The following PKP1 variants were observed in gnomAD, a reference collection of about 807,000 sequenced individuals.
The protein encoded by PKP1 is plakophilin 1, also known as plakophilin-1.
PKP1 carries 27 observed loss-of-function variants against 76.4 expected under a neutral mutation model. The observed-to-expected ratio is 0.35, with a 90% confidence interval of 0.26 to 0.49. The LOEUF (loss-of-function observed/expected upper bound fraction) is 0.49. Ranked by LOEUF, PKP1 falls within the 20% of genes least tolerant of loss-of-function variation. The pLI, the probability that PKP1 is intolerant of heterozygous loss-of-function variation, is 0.99. For missense variants in PKP1, 964 were observed against 955.2 expected, an observed-to-expected ratio of 1.01 and a Z score of -0.12; for synonymous variants, 404 against 384.2, an observed-to-expected ratio of 1.05 and a Z score of -0.60.
chr1:201,285,683 C>T (rs1655711558), intron 1 of PKP1, among the ~76,000 whole-genome samples: 1 of 152,248 alleles, frequency 6.6e-6, no homozygotes, highest in Admixed American at 6.5e-5. Flanking sequence ...GCTCACAACT[C>T]CAGAAAACTC....
intron 2 of PKP1, among the ~76,000 whole-genome samples, chr1:201,312,958 A>C (rs976197753): frequency 6.6e-6 from 1 of 152,218 alleles, no homozygotes; most frequent in African/African-American, 2.4e-5. Context: ...ATAGTCTTCT[A>C]AATTGATTTT....
intron 2 of PKP1, among the ~76,000 whole-genome samples, chr1:201,295,400 G>C (rs1162862083): frequency 6.6e-6 from 1 of 152,080 alleles, no homozygotes; most frequent in Non-Finnish European, 1.5e-5. Context: ...GACACTCTTA[G>C]TGCAAAATAA....
rs182463374 is a variant in PKP1 at position 201,297,958 on chromosome 1, A to C, written c.306+3913A>C. Among the ~76,000 whole-genome samples, 6 of 152,354 alleles carry C rather than the reference A, an allele frequency of 3.9e-5. No individual in the cohort carries two copies. In the East Asian group the frequency reaches 9.6e-4, roughly 24 times the overall value. On this transcript the variant is annotated intron_variant, in intron 2 of 13. Coordinates refer to ENST00000367324, the MANE Select transcript of PKP1 (RefSeq NM_001005337.3). ...TACAACAAAATACAATAATTGAGACATGTCTTAACTTAGAAATTATTTGCT... is the reference window on the plus strand; with the variant it reads ...TACAACAAAATACAATAATTGAGACCTGTCTTAACTTAGAAATTATTTGCT...
rs1656907078 is a variant in PKP1 at position 201,320,513 on chromosome 1, A to AG, written c.1347+135dup. The AG allele has an allele frequency of 4.2e-6, 3 of 713,760 alleles. No homozygotes were observed. The Admixed American group carries it at 6.0e-5, about 14-fold the overall frequency. 44.2% of individuals were successfully genotyped at this position (713,760 alleles called of 1,614,324 possible). A position where few individuals can be genotyped will look rare whatever the true frequency, so the allele number is the denominator to read the frequency against. On this transcript the variant is annotated intron_variant, in intron 7 of 13. Transcript: ENST00000367324. ...GGTGGTAGAAGAGGCATCTGGATGCAGGGCTCAGTGGTGGCTACAGGAGTG... is the reference window on the plus strand; with the variant it reads ...GGTGGTAGAAGAGGCATCTGGATGCAGGGGCTCAGTGGTGGCTACAGGAGTG...
chr1:201,292,284 G>C (rs1655941883), intron 1 of PKP1, among the ~76,000 whole-genome samples: 1 of 152,156 alleles, frequency 6.6e-6, no homozygotes, highest in Non-Finnish European at 1.5e-5. Flanking sequence ...AACTGTACGG[G>C]GCCTATGGGA....
intron 1 of PKP1, among the ~76,000 whole-genome samples, chr1:201,287,654 A>G (rs1655779404): frequency 6.6e-6 from 1 of 152,256 alleles, no homozygotes; most frequent in African/African-American, 2.4e-5. Flanking sequence ...TTGGCCTGTT[A>G]CAACACATGC....
chr1:201,303,229 G>T (rs921681635), intron 2 of PKP1, among the ~76,000 whole-genome samples: 1 of 152,026 alleles, frequency 6.6e-6, no homozygotes, highest in Admixed American at 6.6e-5. Flanking sequence ...TATTGCCCAG[G>T]GTGGTCTTGA....
In PKP1 at chr1:201,325,845, G is replaced by T; in HGVS notation, c.2106+7G>T. On this transcript the variant is annotated splice_region_variant and intron_variant, in intron 12 of 13. Coordinates refer to ENST00000367324, the MANE Select transcript of PKP1 (RefSeq NM_001005337.3). ...GCAGGGTGTCCTCAGACAGGTAAGA[G>T]CCCAGGACATCATCCTCTTCTGAGG... The T allele has an allele frequency of 6.2e-7, 1 of 1,603,682 alleles. No homozygotes were observed. Among genetic ancestry groups the T allele is most frequent in the Non-Finnish European group, 8.5e-7 (1 of 1,170,598 alleles).
chr1:201,320,203 C>T, intron 6 of PKP1, 64 bp from the exon 7 acceptor site: 1 of 1,009,976 alleles, frequency 9.9e-7, no homozygotes, highest in Non-Finnish European at 1.5e-6. Context: ...ACTCTCTTGT[C>T]CCCACCTTCC....
chr1:201,311,951 T>C (rs1656568948), intron 2 of PKP1, among the ~76,000 whole-genome samples: 1 of 152,188 alleles, frequency 6.6e-6, no homozygotes, highest in Non-Finnish European at 1.5e-5. Flanking sequence ...CACAGGCCCC[T>C]CCCAAGGAGG....
At chr1:201,320,980 G>T (rs1192532213) in intron 7 of PKP1, among the ~76,000 whole-genome samples, 1 of 152,124 alleles carries the variant, frequency 6.6e-6, no homozygotes, top group Non-Finnish European at 1.5e-5. Flanking sequence ...CAAACAGAAA[G>T]AAAAAAAGTT....
chr1:201,313,658 G>A, intron 3 of PKP1, 98 bp downstream of exon 3: 8 of 1,261,288 alleles, frequency 6.3e-6, no homozygotes, highest in Middle Eastern at 2.8e-4. Context: ...GGGATGACAG[G>A]AGAGACATAG....
At chr1:201,325,252 G>T in intron 11 of PKP1, 125 bp downstream of exon 11, 1 of 981,666 alleles carries the variant, frequency 1.0e-6, no homozygotes, top group Non-Finnish European at 1.6e-6. Context: ...GGGAGCCAGG[G>T]ACGGGGGAGG....
In PKP1 at chr1:201,296,077, C is replaced by T. The variant is rs145103499; in HGVS notation, c.306+2032C>T. 1.6e-4 allele frequency among the ~76,000 whole-genome samples: 24 copies of T among 152,306 alleles called. 1 individual carries two copies. In the East Asian group the frequency reaches 4.6e-3, roughly 29 times the overall value. The stretch of plus-strand genomic sequence containing the variant: ...TAAGACCCAACCCTCCTTACTCCCT[C>T]GCTGGCAGGACTGCAGACATGACTC... On this transcript the variant is annotated intron_variant, in intron 2 of 13. Transcript: ENST00000367324.
chr1:201,322,029 G>A lies in PKP1; in HGVS notation c.1399G>A (p.Ala467Thr), dbSNP rs745987954. 27 of 1,613,952 alleles carry A rather than the reference G, an allele frequency of 1.7e-5. No homozygotes were observed. The East Asian group carries it at 2.9e-4, about 17-fold the overall frequency. The stretch of plus-strand genomic sequence containing the variant: ...GCACAACCTCTCCTACCGCCTGGAC[G>A]CCGAGGTGCCCACCCGCTACCGCCA... ...VLHNLSYRLD[A>T]EVPTRYRQLE... is the part of the protein sequence containing the mutation. The change falls in exon 8 of 14, where the codon GCC becomes ACC. Residue 467 changes from alanine to threonine, a missense_variant. Coordinates refer to ENST00000367324, the MANE Select transcript of PKP1 (RefSeq NM_001005337.3).
At chr1:201,313,142 G>C in intron 2 of PKP1, 24 bp from the exon 3 acceptor site, 1 of 1,608,032 alleles carries the variant, frequency 6.2e-7, no homozygotes, top group South Asian at 1.1e-5. Flanking sequence ...CCTTGACTGA[G>C]CTTTTCTCCC....
At chr1:201,319,710 G>C (rs1328915527) in intron 6 of PKP1, 2 of 1,111,604 alleles carry the variant, frequency 1.8e-6, no homozygotes, top group Non-Finnish European at 2.7e-6. Context: ...CCTACTGCTG[G>C]GGGCAGAACA....
intron 2 of PKP1, among the ~76,000 whole-genome samples, chr1:201,297,733 G>A (rs1340199722): frequency 6.6e-6 from 1 of 152,112 alleles, no homozygotes; most frequent in Non-Finnish European, 1.5e-5. Flanking sequence ...AAAGTTTAGG[G>A]ATCTGCAAGA....
At chr1:201,324,660 C>CT (rs1197949080) in intron 10 of PKP1, 79 bp downstream of exon 10, 1 of 1,545,024 alleles carries the variant, frequency 6.5e-7, no homozygotes, top group African/African-American at 1.4e-5. Flanking sequence ...GAAGGTCATC[C>CT]TTTAAGCCAT....
Sources: allele counts gnomAD v4.1 joint callset (sites outside exome capture counted in the v4.1 genomes callset), GRCh38; gene constraint gnomAD v4.1.1; transcripts MANE v1.5; gene names NCBI Gene and HGNC (gene_info 2026-07-23, HGNC 2026-07-21).